TMEM131: variants seen among roughly 807,000 people sequenced by gnomAD.
TMEM131 encodes 2610524E03Rik.
A neutral mutation model predicts 211.6 loss-of-function variants in TMEM131; 66 were observed. The ratio of observed to expected loss-of-function variants is 0.31; its 90% confidence interval spans 0.26 to 0.38. The LOEUF (loss-of-function observed/expected upper bound fraction) is 0.38. TMEM131 is among the 10% of genes least tolerant of loss of function. The pLI, the probability that TMEM131 is intolerant of heterozygous loss-of-function variation, is 1.00. For missense variants in TMEM131, 2,036 were observed against 2,299.3 expected, an observed-to-expected ratio of 0.89 and a Z score of 2.34; for synonymous variants, 844 against 841.3, an observed-to-expected ratio of 1.00 and a Z score of -0.06.
intron 2 of TMEM131, among the ~76,000 whole-genome samples, chr2:97,912,528 A>C (rs1293960821): frequency 6.6e-6 from 1 of 152,200 alleles, no homozygotes; most frequent in Non-Finnish European, 1.5e-5. Flanking sequence ...ACAATGTTTC[A>C]AAGGCAATTT....
Position 97,796,896 on chromosome 2 carries a change from TCCTGGA to T in TMEM131, c.2955_2960del (p.Pro986_Gly987del). The T allele has an allele frequency of 6.2e-7, 1 of 1,614,010 alleles. No individual in the cohort carries two copies. The highest frequency in any genetic ancestry group is 8.5e-7 in the Non-Finnish European group (1 of 1,179,866). ...CCGTGATTTTAAAGCGTAAGGAGCT[TCCTGGA>T]CCTGGAAGCTTGCCTGCCACCCTCA... On this transcript the variant is annotated inframe_deletion, in exon 27 of 41. Transcript: ENST00000186436.
At chr2:97,776,578 G>A (rs1679744112) in intron 31 of TMEM131, among the ~76,000 whole-genome samples, 1 of 152,206 alleles carries the variant, frequency 6.6e-6, no homozygotes, top group South Asian at 2.1e-4. Flanking sequence ...ACAGTTCAGT[G>A]AGTTTGGACA....
intron 1 of TMEM131, among the ~76,000 whole-genome samples, chr2:97,995,104 A>G (rs1214771413): frequency 6.6e-6 from 1 of 152,272 alleles, no homozygotes; most frequent in East Asian, 1.9e-4. Context: ...CACATTTTAA[A>G]GTAAGCTCTG....
At chr2:97,807,574 G>A (rs1681368216) in intron 19 of TMEM131, among the ~76,000 whole-genome samples, 1 of 152,192 alleles carries the variant, frequency 6.6e-6, no homozygotes, top group African/African-American at 2.4e-5. Context: ...CTCCAGAACT[G>A]TGAACCAAAT....
chr2:97,954,104 A>G (rs942031648), intron 1 of TMEM131, among the ~76,000 whole-genome samples: 1 of 152,244 alleles, frequency 6.6e-6, no homozygotes, highest in Non-Finnish European at 1.5e-5. Flanking sequence ...CTACTTTAAG[A>G]AACTAGAAAA....
chr2:97,841,614 AC>A (rs1683198927), intron 7 of TMEM131, among the ~76,000 whole-genome samples, 200 bp downstream of exon 7: 2 of 11,740 alleles, frequency 1.7e-4, no homozygotes, highest in African/African-American at 7.6e-3. Flanking sequence ...CAAAATCCAG[AC>A]TGCTGTATTC....
chr2:97,919,257 T>C lies in TMEM131; in HGVS notation c.249+8169A>G, dbSNP rs544216549. 3.3e-5 allele frequency among the ~76,000 whole-genome samples: 5 copies of C among 152,352 alleles called. No individual in the cohort carries two copies. In the East Asian group the frequency reaches 9.6e-4, roughly 29 times the overall value. ...ACTTAAACATTTTTAATGTTCTTTA[T>C]TCCTTTGCGTTTCTGAGCTTCTAAA... On this transcript the variant is annotated intron_variant, in intron 2 of 40. Coordinates refer to ENST00000186436, the MANE Select transcript of TMEM131 (RefSeq NM_015348.2).
chr2:97,892,416 A>G (rs1188806661), intron 3 of TMEM131, among the ~76,000 whole-genome samples: 1 of 152,062 alleles, frequency 6.6e-6, no homozygotes, highest in African/African-American at 2.4e-5. Context: ...GAGTGTAGTT[A>G]GTGGTCCAAT....
intron 1 of TMEM131, among the ~76,000 whole-genome samples, chr2:97,931,578 A>G (rs964268281): frequency 3.3e-5 from 5 of 152,354 alleles, no homozygotes; most frequent in East Asian, 1.9e-4. Context: ...AATGCTGTAA[A>G]TAACTAGTAG....
At position 97,796,296 on chromosome 2, in the gene TMEM131, CAT is replaced by C. The variant is rs2104902457; in HGVS notation, c.3120_3121del (p.Cys1041Ter). On this transcript the variant is annotated frameshift_variant, in exon 28 of 41. Transcript: ENST00000186436. LOFTEE classifies it high-confidence loss of function. ...AACAACTTTAAAGCCATATCCTTCACATGAGTATCCACTGATTTCAATGGTTT... is the reference window on the plus strand; with the variant it reads ...AACAACTTTAAAGCCATATCCTTCACGAGTATCCACTGATTTCAATGGTTT... 6.4e-7 allele frequency: 1 copy of C among 1,568,018 alleles called. No homozygotes were observed. The highest frequency in any genetic ancestry group is 8.6e-7 in the Non-Finnish European group (1 of 1,156,154).
rs1262198105 is a variant in TMEM131 at position 97,908,701 on chromosome 2, GT to G, written c.250-4del. On this transcript the variant is annotated splice_region_variant and splice_polypyrimidine_tract_variant and intron_variant, in intron 2 of 40. Transcript: ENST00000186436. ...CTGAGTCCAAGTGTTGTCTCGGTCT[GT>G]AAAAGGAATAAAATAATGATTAAAA... 1.2e-6 allele frequency: 2 copies of G among 1,602,360 alleles called. No homozygotes were observed. The highest frequency in any genetic ancestry group is 2.7e-5 in the African/African-American group (2 of 74,652).
chr2:97,876,412 T>C (rs1179748827), intron 4 of TMEM131, among the ~76,000 whole-genome samples: 1 of 152,090 alleles, frequency 6.6e-6, no homozygotes, highest in Non-Finnish European at 1.5e-5. Flanking sequence ...AAAAAGAAAA[T>C]TTCAGGCCAA....
At chr2:97,911,683 A>C (rs115227020) in intron 2 of TMEM131, 1 of 984,200 alleles carries the variant, frequency 1.0e-6, no homozygotes, top group African/African-American at 1.7e-5. Context: ...TGTGGAAATA[A>C]AGTTAGAAAA....
rs769397033 is a variant in TMEM131, at chr2:97,814,091, G to A, written c.1497C>T (p.Tyr499=). ...AAGGCATAAAAAGCAGGGTAAAAAT[G>A]TATCCTGATTCATTAGGAAGAATTA... The part of the protein sequence containing the change: ...PVLILPNESG[Y]IFTLLFMPST... Residue 499 remains tyrosine, a synonymous_variant, in exon 15 of 41, where the codon TAC becomes TAT. Transcript: ENST00000186436. 1.4e-5 allele frequency: 22 copies of A among 1,606,454 alleles called. No homozygotes were observed. Among genetic ancestry groups the A allele is most frequent in the Non-Finnish European group, 2.6e-6 (3 of 1,175,844 alleles).
At chr2:97,898,556 G>A (rs1044921048) in intron 3 of TMEM131, among the ~76,000 whole-genome samples, 1 of 152,182 alleles carries the variant, frequency 6.6e-6, no homozygotes, top group African/African-American at 2.4e-5. Context: ...GAGGGCATGT[G>A]AGTTACACAG....
intron 3 of TMEM131, chr2:97,907,331 GA>G (rs1676116632): frequency 6.6e-6 from 1 of 152,124 alleles, no homozygotes; most frequent in African/African-American, 2.4e-5. Context: ...CTGCAGAGAT[GA>G]AAGAGTAAAA....
At chr2:97,993,520 C>G (rs1293268080) in intron 1 of TMEM131, among the ~76,000 whole-genome samples, 1 of 152,186 alleles carries the variant, frequency 6.6e-6, no homozygotes, top group African/African-American at 2.4e-5. Flanking sequence ...TTGATTAGAA[C>G]CAGATCTGTT....
chr2:97,989,388 T>C (rs564698140), intron 1 of TMEM131, among the ~76,000 whole-genome samples: 107 of 152,140 alleles, frequency 7.0e-4, no homozygotes, highest in South Asian at 2.1e-3. Context: ...TCTACTTATA[T>C]GAAGTATCTA....
intron 5 of TMEM131, among the ~76,000 whole-genome samples, chr2:97,857,074 C>T (rs114354544): frequency 0.012 from 1,818 of 152,254 alleles, 40 homozygotes; most frequent in African/African-American, 0.041. Context: ...TAGAAATAGT[C>T]CCTGGGAGAG....
Sources: gnomAD v4.1 joint callset for allele counts (sites outside exome capture counted in the v4.1 genomes callset) on GRCh38, gnomAD v4.1.1 for gene constraint, MANE v1.5 for transcripts, NCBI Gene and HGNC (gene_info 2026-07-23, HGNC 2026-07-21) for gene names.